CFAP61: variants seen among roughly 807,000 people sequenced by gnomAD.
CFAP61 encodes the protein cilia- and flagella-associated protein 61.
A neutral mutation model predicts 135.6 loss-of-function variants in CFAP61; 107 were observed. That is an observed-to-expected ratio of 0.79 (90% CI 0.67 to 0.93). CFAP61 has a LOEUF of 0.93. Among genes scored for constraint, CFAP61 ranks in the 40% least tolerant of loss-of-function variants. The pLI is 0.00. For synonymous variants in CFAP61, 575 were observed against 578.5 expected, an observed-to-expected ratio of 0.99 and a Z score of 0.09; for missense variants, 1,507 against 1,556.2, an observed-to-expected ratio of 0.97 and a Z score of 0.53.
intron 21 of CFAP61, among the ~76,000 whole-genome samples, chr20:20,268,324 G>A (rs1169971767): frequency 6.6e-6 from 1 of 152,206 alleles, no homozygotes; most frequent in Admixed American, 6.5e-5. Context: ...GAAGCCCAGG[G>A]ATGTGAGGGG....
intron 8 of CFAP61, among the ~76,000 whole-genome samples, chr20:20,131,781 T>G (rs945345290): frequency 1.6e-4 from 25 of 152,244 alleles, no homozygotes; most frequent in Admixed American, 1.4e-3. Context: ...AATATCCTTC[T>G]ATTCTTGGTC....
chr20:20,214,899 G>T (rs1271772908), intron 17 of CFAP61, among the ~76,000 whole-genome samples: 2 of 152,182 alleles, frequency 1.3e-5, no homozygotes, highest in Non-Finnish European at 2.9e-5. Flanking sequence ...AAGGAGAGTG[G>T]AGAGAGAGAA....
Position 20,113,818 on chromosome 20 carries a change from C to G in CFAP61, c.859+15004C>G, listed in dbSNP as rs1204139609. Among the ~76,000 whole-genome samples the G allele has an allele frequency of 3.3e-5, 5 of 152,210 alleles. No individual in the cohort carries two copies. The South Asian group carries it at 1.0e-3, about 32-fold the overall frequency. On this transcript the variant is annotated intron_variant, in intron 8 of 26. Transcript: ENST00000245957. ...ATGTGTACATTTGTTTTGGGATTCT[C>G]TGTTCTATTTGTCAACAATACACTG... is the stretch of plus-strand genomic sequence containing the variant.
chr20:20,169,696 C>T (rs2054084663), intron 13 of CFAP61, among the ~76,000 whole-genome samples: 1 of 152,126 alleles, frequency 6.6e-6, no homozygotes, highest in African/African-American at 2.4e-5. Flanking sequence ...AAGACAATGC[C>T]ATGTTGACAG....
rs549480084 is a variant in CFAP61 at position 20,057,423 on chromosome 20, A to C, written c.143+627A>C. Among the ~76,000 whole-genome samples, 9 of 152,306 alleles carry C rather than the reference A, an allele frequency of 5.9e-5. No individual in the cohort carries two copies. In the South Asian group the frequency reaches 1.9e-3, roughly 32 times the overall value. ...ATTAGCTGCCAGATTTTGAGAAATT[A>C]GTTTATGTCAGGCTCTGTGCTATGC... On this transcript the variant is annotated intron_variant, in intron 2 of 26. Coordinates refer to ENST00000245957, the MANE Select transcript of CFAP61 (RefSeq NM_015585.4).
At chr20:20,127,738 G>A (rs1204985538) in intron 8 of CFAP61, among the ~76,000 whole-genome samples, 1 of 151,546 alleles carries the variant, frequency 6.6e-6, no homozygotes, top group Non-Finnish European at 1.5e-5. Flanking sequence ...TGGTGGATGG[G>A]GCCCTAGAAC....
intron 17 of CFAP61, among the ~76,000 whole-genome samples, chr20:20,218,636 C>T (rs2048196194): frequency 6.6e-6 from 1 of 152,192 alleles, no homozygotes. Context: ...GATACACTAC[C>T]ATTGTCACAT....
In CFAP61 at chr20:20,086,522, G is replaced by A. The variant is rs139213444; in HGVS notation, c.567-4322G>A. Among the ~76,000 whole-genome samples the A allele has an allele frequency of 4.2e-3, 636 of 151,922 alleles. 1 individual carries two copies. The highest frequency in any genetic ancestry group is 0.015 in the African/African-American group (604 of 41,394). Reference sequence around the variant, plus strand: ...TCATCATTTTTTATGGACTTTGCCGGTTTCTTAGTCAGTAGAGTCAGAAGG... The same window carrying A: ...TCATCATTTTTTATGGACTTTGCCGATTTCTTAGTCAGTAGAGTCAGAAGG... On this transcript the variant is annotated intron_variant, in intron 6 of 26. Coordinates refer to ENST00000245957, the MANE Select transcript of CFAP61 (RefSeq NM_015585.4).
rs551486186 is a variant in CFAP61 at position 20,216,876 on chromosome 20, A to T, written c.1933-11373A>T. 9.2e-5 allele frequency among the ~76,000 whole-genome samples: 14 copies of T among 151,934 alleles called. No individual in the cohort carries two copies. In the South Asian group the frequency reaches 2.7e-3, roughly 29 times the overall value. On this transcript the variant is annotated intron_variant, in intron 17 of 26. Transcript: ENST00000245957. The stretch of plus-strand genomic sequence containing the variant: ...TTAGATCTTTATTTTCCCTGATCTG[A>T]TGTGAAGTATCTGAGTGACTGAAAT...
intron 17 of CFAP61, among the ~76,000 whole-genome samples, chr20:20,210,259 G>A (rs934211053): frequency 1.3e-5 from 2 of 152,144 alleles, no homozygotes; most frequent in Non-Finnish European, 2.9e-5. Context: ...AGAGGGCTGC[G>A]CTGCACTGAT....
intron 13 of CFAP61, among the ~76,000 whole-genome samples, chr20:20,171,227 A>T (rs948275303): frequency 1.3e-5 from 2 of 152,132 alleles, no homozygotes; most frequent in Non-Finnish European, 2.9e-5. Flanking sequence ...TATCAGAGTG[A>T]CCCCTAAACA....
Position 20,251,509 on chromosome 20 carries a change from G to C in CFAP61, c.2160-86G>C. The C allele has an allele frequency of 3.1e-6, 4 of 1,307,756 alleles. No homozygotes were observed. The South Asian group carries it at 5.1e-5, about 17-fold the overall frequency. 81.0% of individuals were successfully genotyped at this position (1,307,756 alleles called of 1,614,324 possible). ...GCAAGAGCACGGACTCAGCCCACTAGGGGACTTGAACCAGCTCACCAGATG... is the reference window on the plus strand; with the variant it reads ...GCAAGAGCACGGACTCAGCCCACTACGGGACTTGAACCAGCTCACCAGATG... On this transcript the variant is annotated intron_variant, in intron 19 of 26. Coordinates refer to ENST00000245957, the MANE Select transcript of CFAP61 (RefSeq NM_015585.4).
At chr20:20,318,183 G>C (rs924461219) in intron 25 of CFAP61, among the ~76,000 whole-genome samples, 1 of 152,124 alleles carries the variant, frequency 6.6e-6, no homozygotes, top group Non-Finnish European at 1.5e-5. Context: ...GGGAGGATTT[G>C]ACACATGAAC....
intron 25 of CFAP61, among the ~76,000 whole-genome samples, chr20:20,307,889 A>G (rs1229118437): frequency 2.0e-5 from 3 of 152,224 alleles, no homozygotes; most frequent in Admixed American, 6.5e-5. Context: ...TCACTTAAAA[A>G]TGATTTCATT....
rs73289287 is a variant in CFAP61 at position 20,332,966 on chromosome 20, T to C, written c.3423-8865T>C. On this transcript the variant is annotated intron_variant, in intron 25 of 26. Coordinates refer to ENST00000245957, the MANE Select transcript of CFAP61 (RefSeq NM_015585.4). ...AAGACAAAACTTCAAGAAAGCTAGTTACGATGTCCTCTTACCTTTATTGCT... is the reference window on the plus strand; with the variant it reads ...AAGACAAAACTTCAAGAAAGCTAGTCACGATGTCCTCTTACCTTTATTGCT... 3.0e-3 allele frequency among the ~76,000 whole-genome samples: 450 copies of C among 152,292 alleles called. 3 individuals are homozygous for C. Among genetic ancestry groups the C allele is most frequent in the African/African-American group, 0.01 (422 of 41,554 alleles).
At chr20:20,192,021 G>A (rs964813964) in intron 15 of CFAP61, among the ~76,000 whole-genome samples, 1 of 152,022 alleles carries the variant, frequency 6.6e-6, no homozygotes, top group Non-Finnish European at 1.5e-5. Flanking sequence ...TCTAATAGGG[G>A]AGTGTTCTCT....
chr20:20,304,927 A>G (rs998096647), intron 25 of CFAP61, among the ~76,000 whole-genome samples: 13 of 152,114 alleles, frequency 8.5e-5, no homozygotes, highest in South Asian at 6.2e-4. Context: ...CGCCTACAGA[A>G]TCTCTCCCTT....
At chr20:20,189,522 A>G (rs568324120) in intron 14 of CFAP61, among the ~76,000 whole-genome samples, 7 of 150,220 alleles carry the variant, frequency 4.7e-5, no homozygotes, top group Middle Eastern at 3.5e-3. Context: ...GGTGAAACCA[A>G]TGCCACCTCA....
At chr20:20,360,096 A>T (rs1402042428) in intron 26 of CFAP61, 114 bp from the exon 27 acceptor site, 8 of 773,408 alleles carry the variant, frequency 1.0e-5, no homozygotes, top group African/African-American at 1.7e-5. Flanking sequence ...GCTAGAAAAA[A>T]AATGACCATC....
Sources: gnomAD v4.1 joint callset for allele counts (sites outside exome capture counted in the v4.1 genomes callset) on GRCh38, gnomAD v4.1.1 for gene constraint, MANE v1.5 for transcripts, NCBI Gene and HGNC (gene_info 2026-07-23, HGNC 2026-07-21) for gene names.